PLA1A: variants seen among roughly 807,000 people sequenced by gnomAD.
PLA1A encodes phosphatidylserine-specific phospholipase A1alpha.
PLA1A carries 47 observed loss-of-function variants against 49.4 expected under a neutral mutation model. The ratio of observed to expected loss-of-function variants is 0.95; its 90% CI spans 0.75 to 1.21. The LOEUF is 1.21. Ranked by LOEUF, PLA1A falls within the 50% of genes most tolerant of loss-of-function variation. The pLI is 0.00. For synonymous variants in PLA1A, 224 were observed against 207.9 expected (o/e 1.08, Z -0.67); for missense variants, 561 against 563.9 (o/e 0.99, Z 0.05).
intron 6 of PLA1A, among the ~76,000 whole-genome samples, chr3:119,616,317 C>T (rs978003516): frequency 3.3e-5 from 5 of 152,334 alleles, no homozygotes; most frequent in African/African-American, 1.2e-4. Context: ...ACACCAACTG[C>T]ATCCTCTACA....
chr3:119,626,561 C>T (rs190445431), intron 9 of PLA1A, among the ~76,000 whole-genome samples: 1 of 152,198 alleles, frequency 6.6e-6, no homozygotes, highest in East Asian at 1.9e-4. Flanking sequence ...CCAGACCCTG[C>T]CAGGCCTTGA....
Position 119,629,768 on chromosome 3 carries a change from G to T in PLA1A, c.*300G>T. On this transcript the variant is annotated 3_prime_UTR_variant, in exon 11 of 11. Coordinates refer to ENST00000273371, the MANE Select transcript of PLA1A (RefSeq NM_015900.4). ...TTAGGATTCAATAGAAACATGTACA[G>T]GGTAAACAATTTTTTAAAAATAAAA... The T allele has an allele frequency of 3.0e-6, 1 of 336,138 alleles. No homozygotes were observed. The highest frequency in any genetic ancestry group is 5.4e-6 in the Non-Finnish European group (1 of 184,970). 20.8% of individuals were successfully genotyped at this position (336,138 alleles called of 1,614,324 possible). A position where few individuals can be genotyped will look rare whatever the true frequency, so the allele number is the denominator to read the frequency against.
intron 8 of PLA1A, among the ~76,000 whole-genome samples, chr3:119,624,751 C>G (rs1021330161): frequency 6.6e-6 from 1 of 152,050 alleles, no homozygotes; most frequent in Non-Finnish European, 1.5e-5. Context: ...CTGTCTCAGC[C>G]TCCTGAGTAG....
At chr3:119,614,061 G>A (rs899083442) in intron 5 of PLA1A, among the ~76,000 whole-genome samples, 1 of 152,194 alleles carries the variant, frequency 6.6e-6, no homozygotes, top group African/African-American at 2.4e-5. Flanking sequence ...TCTGTGCTTA[G>A]TGTGGTGGGT....
chr3:119,605,507 A>G (rs925408120), intron 1 of PLA1A, among the ~76,000 whole-genome samples: 6 of 152,244 alleles, frequency 3.9e-5, no homozygotes, highest in African/African-American at 1.4e-4. Flanking sequence ...ATCTAAAGTT[A>G]CTGTCTTCCT....
chr3:119,622,140 G>GAAGAA (rs2082944322), intron 8 of PLA1A, among the ~76,000 whole-genome samples: 1 of 126,182 alleles, frequency 7.9e-6, no homozygotes, highest in African/African-American at 3.9e-5. Context: ...AGGAAGAGGA[G>GAAGAA]GAGGAGGAGG....
intron 4 of PLA1A, among the ~76,000 whole-genome samples, chr3:119,610,726 C>A (rs1041978408): frequency 6.6e-6 from 1 of 152,042 alleles, no homozygotes; most frequent in African/African-American, 2.4e-5. Context: ...TTGTCAGATG[C>A]ATAGTTTGTG....
chr3:119,613,196 C>A, intron 5 of PLA1A, 78 bp downstream of exon 5: 2 of 918,668 alleles, frequency 2.2e-6, no homozygotes, highest in Middle Eastern at 3.0e-4. Flanking sequence ...AGCTCTGTGG[C>A]CCTGGGCAGA....
At chr3:119,622,103 A>AAGAAGAAGAAGAAGG (rs1553794013) in intron 8 of PLA1A, among the ~76,000 whole-genome samples, 2 of 147,256 alleles carry the variant, frequency 1.4e-5, no homozygotes, top group African/African-American at 2.6e-5. Flanking sequence ...GAAGAAGAAG[A>AAGAAGAAGAAGAAGG]AGAAGGAGAA....
At chr3:119,622,148 AG>A (rs1170984393) in intron 8 of PLA1A, among the ~76,000 whole-genome samples, 119 of 133,610 alleles carry the variant, frequency 8.9e-4, no homozygotes, top group African/African-American at 3.5e-3. Flanking sequence ...GAGGAGGAGG[AG>A]GAAGAAGAAG....
In PLA1A at chr3:119,597,966, GGCTCAGCGTTGGAAGTTCAGGTAA is replaced by G. The variant is rs1359023755; in HGVS notation, c.56_73+6del. 1.2e-6 allele frequency: 2 copies of G among 1,609,104 alleles called. No homozygotes were observed. The highest frequency in any genetic ancestry group is 2.7e-5 in the African/African-American group (2 of 74,808). On this transcript the variant is annotated splice_donor_variant and splice_donor_region_variant and coding_sequence_variant and intron_variant, in exon 1 of 11. Transcript: ENST00000273371. LOFTEE classifies it high-confidence loss of function. ...TTCTGGGTGGGGGGCCTCATTTTGT[GGCTCAGCGTTGGAAGTTCAGGTAA>G]GCCAGGGCTCAGGCCTTGGGAGGAA...
chr3:119,616,929 G>T (rs111410538), intron 6 of PLA1A, among the ~76,000 whole-genome samples: 5 of 152,138 alleles, frequency 3.3e-5, no homozygotes, highest in African/African-American at 1.2e-4. Flanking sequence ...GTTTGTCTCT[G>T]CCCCAGCTCC....
chr3:119,598,221 TA>T (rs1016475990), intron 1 of PLA1A, among the ~76,000 whole-genome samples: 3 of 152,048 alleles, frequency 2.0e-5, no homozygotes, highest in African/African-American at 7.2e-5. Flanking sequence ...AAAGCCCACA[TA>T]AAAAAACCCT....
intron 2 of PLA1A, among the ~76,000 whole-genome samples, chr3:119,607,435 T>C (rs2082704602): frequency 1.3e-5 from 2 of 152,232 alleles, no homozygotes; most frequent in African/African-American, 2.4e-5. Context: ...ATATAGTCAC[T>C]GAGTCTCAAT....
chr3:119,614,390 T>A (rs2082815095), intron 5 of PLA1A, among the ~76,000 whole-genome samples: 1 of 151,772 alleles, frequency 6.6e-6, no homozygotes, highest in South Asian at 2.1e-4. Context: ...GATCACAAGG[T>A]CAGGAGATCG....
intron 1 of PLA1A, among the ~76,000 whole-genome samples, chr3:119,605,560 T>C (rs939079767): frequency 5.3e-5 from 8 of 152,242 alleles, no homozygotes; most frequent in Non-Finnish European, 7.3e-5. Flanking sequence ...AATCTGGATG[T>C]CTCCTCTGAA....
At chr3:119,606,267 C>T (rs1010112609) in intron 1 of PLA1A, among the ~76,000 whole-genome samples, 3 of 152,178 alleles carry the variant, frequency 2.0e-5, no homozygotes, top group African/African-American at 4.8e-5. Context: ...GGACACTGTC[C>T]TTGGCTTGTA....
At chr3:119,605,546 C>A (rs1387103499) in intron 1 of PLA1A, among the ~76,000 whole-genome samples, 1 of 152,242 alleles carries the variant, frequency 6.6e-6, no homozygotes, top group Admixed American at 6.5e-5. Flanking sequence ...AAACCGAAGT[C>A]TGCAATCTGG....
chr3:119,619,518 G>A (rs2082898776), intron 7 of PLA1A, 45 bp from the exon 8 acceptor site: 1 of 1,370,644 alleles, frequency 7.3e-7, no homozygotes, highest in Non-Finnish European at 1.0e-6. Flanking sequence ...GGGACCCTAA[G>A]ATAGCCTTCT....
Sources: allele counts gnomAD v4.1 joint callset (sites outside exome capture counted in the v4.1 genomes callset), GRCh38; gene constraint gnomAD v4.1.1; transcripts MANE v1.5; gene names NCBI Gene and HGNC (gene_info 2026-07-23, HGNC 2026-07-21).